SIPA1L1: variants seen among roughly 807,000 people sequenced by gnomAD.
SIPA1L1 encodes the protein signal induced proliferation associated 1 like 1.
SIPA1L1 carries 26 observed loss-of-function variants against 162.7 expected under a neutral mutation model. That is an observed-to-expected ratio of 0.16 (90% CI 0.12 to 0.22). The LOEUF is 0.22. Ranked by LOEUF, SIPA1L1 falls within the 10% of genes least tolerant of loss-of-function variation. The pLI is 1.00. For synonymous variants in SIPA1L1, 829 were observed against 837.4 expected, an observed-to-expected ratio of 0.99 and a Z score of 0.17; for missense variants, 1,874 against 2,241.0, an observed-to-expected ratio of 0.84 and a Z score of 3.31.
chr14:71,614,295 T>A (rs1441390135), intron 5 of SIPA1L1, among the ~76,000 whole-genome samples: 1 of 151,634 alleles, frequency 6.6e-6, no homozygotes, highest in Non-Finnish European at 1.5e-5. Context: ...TACCAGAGGG[T>A]TAAATTTAAA....
chr14:71,730,074 C>T lies in SIPA1L1; in HGVS notation c.4634C>T (p.Pro1545Leu). ...TTTCAGTTCCACGCACTCTCCTCTCCTCAGTCTCCTTTCCCCAGCACCCCC... is the reference window on the plus strand; with the variant it reads ...TTTCAGTTCCACGCACTCTCCTCTCTTCAGTCTCCTTTCCCCAGCACCCCC... ...KSFKFHALSSPQSPFPSTPTS... is the reference protein window; with the variant it reads ...KSFKFHALSSLQSPFPSTPTS... The change falls in exon 20 of 24, where the codon CCT (proline) becomes CTT (leucine). Residue 1545 changes from proline (P) to leucine (L), a missense_variant. By Grantham distance (98) the Pro-to-Leu change is moderately conservative (BLOSUM62 -3). Around this residue, in one of 5 missense-constraint regions of SIPA1L1, gnomAD observed 936 missense variants for 1,051.9 expected, o/e 0.89. Transcript: ENST00000381232. The T allele has an allele frequency of 4.3e-6, 7 of 1,614,158 alleles. No individual in the cohort carries two copies. The highest frequency in any genetic ancestry group is 5.9e-6 in the Non-Finnish European group (7 of 1,180,018).
At chr14:71,605,729 A>G (rs1169239597) in intron 5 of SIPA1L1, among the ~76,000 whole-genome samples, 1 of 152,098 alleles carries the variant, frequency 6.6e-6, no homozygotes, top group Non-Finnish European at 1.5e-5. Flanking sequence ...GGTGCCTAGG[A>G]GGTGGGCCAA....
chr14:71,460,786 G>A (rs1232674123), intron 2 of SIPA1L1, among the ~76,000 whole-genome samples: 1 of 152,180 alleles, frequency 6.6e-6, no homozygotes, highest in Non-Finnish European at 1.5e-5. Flanking sequence ...GACTGTGGGA[G>A]AAACAGTACC....
At chr14:71,738,414 A>T in intron 23 of SIPA1L1, 89 bp downstream of exon 23, 1 of 853,610 alleles carries the variant, frequency 1.2e-6, no homozygotes, top group Non-Finnish European at 1.9e-6. Flanking sequence ...TGGTAAAATA[A>T]GACGTGGGTG....
intron 16 of SIPA1L1, among the ~76,000 whole-genome samples, chr14:71,708,245 A>G (rs960122128): frequency 1.3e-5 from 2 of 151,048 alleles, no homozygotes; most frequent in South Asian, 2.1e-4. Context: ...TTATAGTTTT[A>G]GCTTTTACAT....
chr14:71,489,070 T>G (rs1171623788), intron 2 of SIPA1L1, among the ~76,000 whole-genome samples: 1 of 152,208 alleles, frequency 6.6e-6, no homozygotes, highest in East Asian at 1.9e-4. Flanking sequence ...GTTTGGACCA[T>G]TCCACAAGCA....
At chr14:71,554,553 C>T (rs2056175136) in intron 4 of SIPA1L1, among the ~76,000 whole-genome samples, 1 of 152,172 alleles carries the variant, frequency 6.6e-6, no homozygotes, top group Non-Finnish European at 1.5e-5. Context: ...AGTAACACTT[C>T]CCACAGGTGA....
At chr14:71,580,331 A>G (rs1241251279) in intron 4 of SIPA1L1, among the ~76,000 whole-genome samples, 1 of 152,218 alleles carries the variant, frequency 6.6e-6, no homozygotes, top group East Asian at 1.9e-4. Context: ...GAATATACGT[A>G]GGAAAGTAGA....
intron 2 of SIPA1L1, among the ~76,000 whole-genome samples, chr14:71,373,730 T>C (rs1476132540): frequency 6.6e-6 from 1 of 152,034 alleles, no homozygotes; most frequent in Non-Finnish European, 1.5e-5. Flanking sequence ...TTTTCTCCTC[T>C]CTTCTTCCTT....
intron 7 of SIPA1L1, among the ~76,000 whole-genome samples, chr14:71,635,484 A>G (rs1246306180): frequency 1.3e-5 from 2 of 152,228 alleles, no homozygotes; most frequent in South Asian, 4.1e-4. Flanking sequence ...CAGAGAGTAA[A>G]GAGACTAAAG....
chr14:71,451,223 G>C (rs1034081670), intron 2 of SIPA1L1, among the ~76,000 whole-genome samples: 1 of 151,998 alleles, frequency 6.6e-6, no homozygotes, highest in Non-Finnish European at 1.5e-5. Context: ...GTAGAATGTA[G>C]CTACCAGGGA....
chr14:71,637,137 C>T (rs1231995895), intron 7 of SIPA1L1, among the ~76,000 whole-genome samples: 2 of 148,094 alleles, frequency 1.4e-5, no homozygotes, highest in Non-Finnish European at 3.0e-5. Flanking sequence ...TGTGTGCACG[C>T]GTGCACACAC....
At chr14:71,353,089 TTA>T (rs2036879806) in intron 2 of SIPA1L1, among the ~76,000 whole-genome samples, 1 of 152,250 alleles carries the variant, frequency 6.6e-6, no homozygotes, top group Admixed American at 6.5e-5. Context: ...CATATGCAAA[TTA>T]TATGTCAATA....
At chr14:71,702,567 G>GTA in intron 15 of SIPA1L1, 62 bp downstream of exon 15, 1 of 1,431,024 alleles carries the variant, frequency 7.0e-7, no homozygotes, top group Non-Finnish European at 9.7e-7. Flanking sequence ...GTCACCTCTT[G>GTA]ATGATGTTAT....
chr14:71,736,898 G>A (rs1020667474), intron 22 of SIPA1L1, among the ~76,000 whole-genome samples: 2 of 152,246 alleles, frequency 1.3e-5, no homozygotes, highest in Non-Finnish European at 2.9e-5. Context: ...CTGCAGTCCT[G>A]ATGAGCTGCA....
Position 71,567,791 on chromosome 14 carries a change from T to C in SIPA1L1, c.-302-19780T>C, listed in dbSNP as rs532003677. Among the ~76,000 whole-genome samples, 37 of 149,558 alleles carry C rather than the reference T, an allele frequency of 2.5e-4. No individual in the cohort carries two copies. In the South Asian group the frequency reaches 7.0e-3, roughly 28 times the overall value. The stretch of plus-strand genomic sequence containing the variant: ...TGGGCTGCTCAATGGAGCAAACTTA[T>C]AGTTATTTCTTGATTATATACTAAA... On this transcript the variant is annotated intron_variant, in intron 4 of 23. Coordinates refer to ENST00000381232, the MANE Select transcript of SIPA1L1 (RefSeq NM_001386936.1).
intron 2 of SIPA1L1, among the ~76,000 whole-genome samples, chr14:71,363,120 T>C (rs570750731): frequency 2.6e-4 from 40 of 152,366 alleles, no homozygotes; most frequent in Non-Finnish European, 4.3e-4. Flanking sequence ...CTAATACTTA[T>C]CACCTTCATC....
intron 4 of SIPA1L1, among the ~76,000 whole-genome samples, chr14:71,544,137 A>ATACATATATGCACGTGTGTGTGTATG (rs2054866460): frequency 6.6e-6 from 1 of 150,760 alleles, no homozygotes; most frequent in Non-Finnish European, 1.5e-5. Context: ...GTGTATGTAT[A>ATACATATATGCACGTGTGTGTGTATG]TACATATATG....
At chr14:71,336,963 G>T (rs1170129974) in intron 2 of SIPA1L1, among the ~76,000 whole-genome samples, 3 of 151,986 alleles carry the variant, frequency 2.0e-5, no homozygotes, top group Non-Finnish European at 4.4e-5. Flanking sequence ...GTATCTAAGC[G>T]GCTGTATCTA....
Sources: allele counts gnomAD v4.1 joint callset (sites outside exome capture counted in the v4.1 genomes callset), GRCh38; gene constraint gnomAD v4.1.1; regional missense constraint gnomAD v4.1.1; transcripts MANE v1.5; gene names NCBI Gene and HGNC (gene_info 2026-07-23, HGNC 2026-07-21).